Variants in SLC8A1 observed in about 807,000 individuals in gnomAD.
SLC8A1 encodes the protein solute carrier family 8 member A1.
SLC8A1 carries 18 observed loss-of-function variants against 68.3 expected under a neutral mutation model. The observed-to-expected ratio is 0.26, with a 90% CI of 0.18 to 0.39. SLC8A1 has a LOEUF of 0.39. Ranked by LOEUF, SLC8A1 falls within the 10% of genes least tolerant of loss-of-function variation. The pLI is 1.00. For synonymous variants in SLC8A1, 475 were observed against 415.5 expected (o/e 1.14, Z -1.74); for missense variants, 985 against 1,156.7 (o/e 0.85, Z 2.15).
At chr2:40,347,812 G>A (rs1459761263) in intron 2 of SLC8A1, among the ~76,000 whole-genome samples, 1 of 152,136 alleles carries the variant, frequency 6.6e-6, no homozygotes, top group East Asian at 1.9e-4. Flanking sequence ...TTTAAAGCAA[G>A]ATTTCTCTAA....
chr2:40,228,870 T>C (rs148402560), intron 2 of SLC8A1, among the ~76,000 whole-genome samples: 14 of 152,274 alleles, frequency 9.2e-5, no homozygotes. Flanking sequence ...ATTTGCAGAA[T>C]GTTTTGATTA....
At chr2:40,427,014 A>G (rs879294938) in intron 2 of SLC8A1, among the ~76,000 whole-genome samples, 2 of 152,062 alleles carry the variant, frequency 1.3e-5, no homozygotes, top group African/African-American at 2.4e-5. Context: ...TTTCAGTAAA[A>G]TAAGTATCCC....
intron 2 of SLC8A1, among the ~76,000 whole-genome samples, chr2:40,364,893 G>T (rs538125931): frequency 1.2e-4 from 18 of 152,054 alleles, no homozygotes; most frequent in African/African-American, 4.3e-4. Context: ...AGAAATGACA[G>T]GGAACAGCTT....
At chr2:40,243,113 C>T (rs1283825056) in intron 2 of SLC8A1, among the ~76,000 whole-genome samples, 2 of 152,188 alleles carry the variant, frequency 1.3e-5, no homozygotes, top group Non-Finnish European at 2.9e-5. Context: ...TTAGTTTCTA[C>T]ATATCATAGC....
At chr2:40,475,506 G>A (rs1261398231) in intron 1 of SLC8A1, among the ~76,000 whole-genome samples, 1 of 151,944 alleles carries the variant, frequency 6.6e-6, no homozygotes, top group Non-Finnish European at 1.5e-5. Context: ...TGTATTTGAA[G>A]TTAAAACTGA....
intron 7 of SLC8A1, among the ~76,000 whole-genome samples, chr2:40,134,586 C>T (rs1034784154): frequency 1.3e-5 from 2 of 152,210 alleles, no homozygotes; most frequent in Admixed American, 1.3e-4. Context: ...CTTCTTACTA[C>T]AATAACCGTC....
chr2:40,394,922 G>C (rs984958390), intron 2 of SLC8A1, among the ~76,000 whole-genome samples: 22 of 152,120 alleles, frequency 1.4e-4, no homozygotes, highest in African/African-American at 5.1e-4. Context: ...GAGAGGAAAT[G>C]AGACACTGAA....
chr2:40,148,399 T>C (rs546169189), intron 6 of SLC8A1, among the ~76,000 whole-genome samples: 2 of 152,198 alleles, frequency 1.3e-5, no homozygotes, highest in Non-Finnish European at 1.5e-5. Context: ...CTCTCATAAC[T>C]CTTTTCCTGA....
chr2:40,397,401 G>C (rs981606419), intron 2 of SLC8A1, among the ~76,000 whole-genome samples: 3 of 152,184 alleles, frequency 2.0e-5, no homozygotes, highest in African/African-American at 4.8e-5. Context: ...CATAGTCAAA[G>C]CTCATCTCAA....
chr2:40,359,895 T>G (rs377289308), intron 2 of SLC8A1, among the ~76,000 whole-genome samples: 1 of 150,690 alleles, frequency 6.6e-6, no homozygotes, highest in African/African-American at 2.4e-5. Context: ...AAAATATGCA[T>G]TCTGGTTTTA....
chr2:40,146,340 T>TGGA (rs2042456745), intron 6 of SLC8A1, among the ~76,000 whole-genome samples: 1 of 152,166 alleles, frequency 6.6e-6, no homozygotes, highest in Non-Finnish European at 1.5e-5. Context: ...GAGTTTCAGC[T>TGGA]ATTGGGGAAC....
At chr2:40,390,780 A>T (rs1315753226) in intron 2 of SLC8A1, among the ~76,000 whole-genome samples, 1 of 152,102 alleles carries the variant, frequency 6.6e-6, no homozygotes, top group Non-Finnish European at 1.5e-5. Context: ...ATCCATTTCA[A>T]TCTGAACACT....
chr2:40,286,641 C>T (rs559805170), intron 2 of SLC8A1, among the ~76,000 whole-genome samples: 2 of 152,282 alleles, frequency 1.3e-5, no homozygotes, highest in Admixed American at 6.5e-5. Context: ...ACCCCTTACA[C>T]TGGTGTTTCT....
chr2:40,129,027 G>T (rs1264104893), intron 7 of SLC8A1, among the ~76,000 whole-genome samples: 1 of 152,204 alleles, frequency 6.6e-6, no homozygotes, highest in Non-Finnish European at 1.5e-5. Context: ...GCATCTTACT[G>T]GGGTGATGAA....
At chr2:40,365,995 G>GA (rs112314058) in intron 2 of SLC8A1, among the ~76,000 whole-genome samples, 43,087 of 148,880 alleles carry the variant, frequency 0.29, 8,694 homozygotes, top group African/African-American at 0.58. Flanking sequence ...GACCCTGTCT[G>GA]AAAAAAAAAA....
At chr2:40,470,218 C>G (rs2149901822) in intron 1 of SLC8A1, among the ~76,000 whole-genome samples, 1 of 152,178 alleles carries the variant, frequency 6.6e-6, no homozygotes, top group Middle Eastern at 3.4e-3. Flanking sequence ...AAGCTCTACA[C>G]TTTGGGAAAA....
At chr2:40,469,857 G>A (rs138308255) in intron 1 of SLC8A1, among the ~76,000 whole-genome samples, 9 of 152,164 alleles carry the variant, frequency 5.9e-5, no homozygotes, top group African/African-American at 1.4e-4. Context: ...TTCAGGTATC[G>A]TCAACTTGAT....
At position 40,495,876 on chromosome 2, in the gene SLC8A1, T is replaced by A. The variant is rs1237497103; in HGVS notation, c.-25+16473A>T. Among the ~76,000 whole-genome samples the A allele has an allele frequency of 2.0e-5, 3 of 152,076 alleles. No homozygotes were observed. In the East Asian group the frequency reaches 5.8e-4, roughly 29 times the overall value. ...ACCTTCTTTATTGATAGGATTAGGC[T>A]TCGTCATAAAGAACTGTCAATGATT... On this transcript the variant is annotated intron_variant, in intron 1 of 7. Transcript: ENST00000402441.
intron 2 of SLC8A1, among the ~76,000 whole-genome samples, chr2:40,217,071 C>T (rs1209959636): frequency 6.6e-6 from 1 of 151,986 alleles, no homozygotes; most frequent in African/African-American, 2.4e-5. Context: ...GAAGTCTTTG[C>T]CCATGCCTAG....
Sources: allele counts gnomAD v4.1 joint callset (sites outside exome capture counted in the v4.1 genomes callset), GRCh38; gene constraint gnomAD v4.1.1; transcripts MANE v1.5; gene names NCBI Gene and HGNC (gene_info 2026-07-23, HGNC 2026-07-21).